Variants in BOC observed in about 807,000 individuals in gnomAD.
The protein encoded by BOC is BOC cell adhesion associated, oncogene regulated, also known as brother of CDO.
In BOC, 76 loss-of-function variants were observed where a neutral mutation model predicts 112.0. That is an observed-to-expected ratio of 0.68 (90% CI 0.56 to 0.82). BOC has a LOEUF of 0.82. BOC is among the 40% of genes least tolerant of loss of function. The pLI is 0.00. For synonymous variants in BOC, 580 were observed against 599.8 expected (o/e 0.97, Z 0.48); for missense variants, 1,309 against 1,511.7 (o/e 0.87, Z 2.22).
intron 4 of BOC, among the ~76,000 whole-genome samples, chr3:113,258,874 T>TA (rs75965326): frequency 0.32 from 49,239 of 152,106 alleles, 8,927 homozygotes; most frequent in East Asian, 0.51. Context: ...GGCTGAGATC[T>TA]AAAAGGTGCC....
intron 2 of BOC, among the ~76,000 whole-genome samples, chr3:113,242,952 G>C (rs1026059703): frequency 6.6e-6 from 1 of 152,128 alleles, no homozygotes; most frequent in Non-Finnish European, 1.5e-5. Flanking sequence ...AAGAAATTCA[G>C]CTTTGCTAAT....
intron 4 of BOC, among the ~76,000 whole-genome samples, chr3:113,259,547 C>A (rs1946589173): frequency 6.6e-6 from 1 of 152,172 alleles, no homozygotes; most frequent in Non-Finnish European, 1.5e-5. Context: ...CAGCTTCACA[C>A]CTCAGCATCC....
At chr3:113,272,026 C>T (rs577060404) in intron 6 of BOC, 1 of 234,140 alleles carries the variant, frequency 4.3e-6, no homozygotes, top group South Asian at 9.0e-5. Flanking sequence ...ATTCTTGTTT[C>T]CCATCTCATC....
At chr3:113,266,927 G>T (rs562543030) in intron 4 of BOC, among the ~76,000 whole-genome samples, 2 of 152,272 alleles carry the variant, frequency 1.3e-5, no homozygotes, top group African/African-American at 4.8e-5. Context: ...CACTCCTAGG[G>T]TGACACCAGT....
At chr3:113,244,748 A>G (rs959098192) in intron 2 of BOC, among the ~76,000 whole-genome samples, 1 of 152,226 alleles carries the variant, frequency 6.6e-6, no homozygotes, top group African/African-American at 2.4e-5. Flanking sequence ...TATAGATTAG[A>G]ATGTATGATG....
chr3:113,214,005 C>T (rs989652606), intron 1 of BOC, among the ~76,000 whole-genome samples: 7 of 152,208 alleles, frequency 4.6e-5, no homozygotes, highest in African/African-American at 1.7e-4. Context: ...TATCGAGATA[C>T]TTCAGAAATG....
chr3:113,279,658 T>A, intron 12 of BOC, 166 bp from the exon 13 acceptor site: 1 of 855,524 alleles, frequency 1.2e-6, no homozygotes, highest in Non-Finnish European at 1.8e-6. Context: ...CCATCTCCCC[T>A]GCAGCTCAGC....
chr3:113,281,969 GAGTGCCC>G lies in BOC; in HGVS notation c.2434+819_2434+825del, dbSNP rs1421033667. 1.6e-4 allele frequency among the ~76,000 whole-genome samples: 24 copies of G among 152,334 alleles called. No homozygotes were observed. In the East Asian group the frequency reaches 3.7e-3, roughly 23 times the overall value. ...AGAATCCTGGATCACCTGGTGCAGG[GAGTGCCC>G]AGAGGGAGGAAGAGACTTCATAAAG... is the stretch of plus-strand genomic sequence containing the variant. On this transcript the variant is annotated intron_variant, in intron 15 of 19. Coordinates refer to ENST00000682979, the MANE Select transcript of BOC (RefSeq NM_001378074.1).
chr3:113,271,252 G>A (rs1238048031), intron 6 of BOC: 6 of 547,822 alleles, frequency 1.1e-5, no homozygotes, highest in African/African-American at 9.4e-5. Context: ...GGGACAGGAC[G>A]GTGGGTCTTG....
Position 113,279,240 on chromosome 3 carries a change from C to A in BOC, c.1817-9C>A, listed in dbSNP as rs756627508. 24 of 1,612,596 alleles carry A rather than the reference C, an allele frequency of 1.5e-5. No individual in the cohort carries two copies. Among genetic ancestry groups the A allele is most frequent in the Non-Finnish European group, 1.9e-5 (22 of 1,179,104 alleles). On this transcript the variant is annotated splice_polypyrimidine_tract_variant and intron_variant, in intron 11 of 19. Coordinates refer to ENST00000682979, the MANE Select transcript of BOC (RefSeq NM_001378074.1). ...TGCTTCCTTCCTCACTGGATACGGT[C>A]TTTCCCAGCCCCAGAAGCTCCCGAC...
intron 4 of BOC, among the ~76,000 whole-genome samples, chr3:113,267,239 T>G (rs964785163): frequency 1.1e-4 from 16 of 152,374 alleles, no homozygotes; most frequent in South Asian, 4.1e-4. Context: ...AAACCAGATT[T>G]CCAGCTTGGA....
At chr3:113,285,602 C>T in intron 19 of BOC, 37 bp downstream of exon 19, 2 of 1,506,630 alleles carry the variant, frequency 1.3e-6, no homozygotes, top group Non-Finnish European at 1.8e-6. Context: ...ATTAAACAGG[C>T]TGGGGGTGAC....
In BOC at chr3:113,281,114, G is replaced by C. The variant is rs1461184306; in HGVS notation, c.2395G>C (p.Glu799Gln). 6.8e-6 allele frequency: 11 copies of C among 1,614,078 alleles called. No homozygotes were observed. Among genetic ancestry groups the C allele is most frequent in the Non-Finnish European group, 8.5e-6 (10 of 1,179,970 alleles). The change falls in exon 15 of 20, where the codon GAG (glutamate) becomes CAG (glutamine). Residue 799 changes from glutamate (E) to glutamine (Q), a missense_variant. By Grantham distance (29) the Glu-to-Gln change is conservative. Coordinates refer to ENST00000682979, the MANE Select transcript of BOC (RefSeq NM_001378074.1). ...IKMQCFNEGG[E>Q]SEFSNVMICE... ...GATGCAGTGCTTCAATGAAGGAGGG[G>C]AGAGCGAGTTCAGCAACGTGATGAT...
rs1433192310 is a variant in BOC at position 113,255,254 on chromosome 3, G to A, written c.376+4421G>A. On this transcript the variant is annotated intron_variant, in intron 4 of 19. Transcript: ENST00000682979. Reference sequence around the variant, plus strand: ...CAAGCCTCACACCAGGCAGCCAACCGCTCTACACAGCTCAGCTGTTCCCAG... The same window carrying A: ...CAAGCCTCACACCAGGCAGCCAACCACTCTACACAGCTCAGCTGTTCCCAG... 4.6e-5 allele frequency among the ~76,000 whole-genome samples: 7 copies of A among 151,764 alleles called. No individual in the cohort carries two copies. The South Asian group carries it at 1.0e-3, about 23-fold the overall frequency.
chr3:113,217,241 C>T (rs1939583678), intron 2 of BOC, among the ~76,000 whole-genome samples: 3 of 152,204 alleles, frequency 2.0e-5, no homozygotes, highest in South Asian at 2.1e-4. Context: ...CTTGGCCTGG[C>T]AGAGTGGCTC....
chr3:113,221,175 C>T (rs553516738), intron 2 of BOC, among the ~76,000 whole-genome samples: 1 of 152,306 alleles, frequency 6.6e-6, no homozygotes, highest in African/African-American at 2.4e-5. Flanking sequence ...CAAGATAATT[C>T]ACATAAAGCA....
At chr3:113,221,437 C>T (rs17319651) in intron 2 of BOC, among the ~76,000 whole-genome samples, 2,768 of 152,308 alleles carry the variant, frequency 0.018, 37 homozygotes, top group Non-Finnish European at 0.028. Context: ...AGTCCTTGGT[C>T]CTGGTCACTG....
At chr3:113,243,790 T>C (rs1944590036) in intron 2 of BOC, among the ~76,000 whole-genome samples, 1 of 152,196 alleles carries the variant, frequency 6.6e-6, no homozygotes, top group South Asian at 2.1e-4. Flanking sequence ...CACCTTCCCT[T>C]AAGACCTGAA....
At chr3:113,258,862 A>G (rs1394339979) in intron 4 of BOC, among the ~76,000 whole-genome samples, 1 of 136,768 alleles carries the variant, frequency 7.3e-6, no homozygotes, top group Admixed American at 7.7e-5. Flanking sequence ...TTATTGAAAG[A>G]TGGCTGAGAT....
Sources: allele counts gnomAD v4.1 joint callset (sites outside exome capture counted in the v4.1 genomes callset), GRCh38; gene constraint gnomAD v4.1.1; transcripts MANE v1.5; gene names NCBI Gene and HGNC (gene_info 2026-07-23, HGNC 2026-07-21).